C12orf42: variants seen among roughly 807,000 people sequenced by gnomAD.
C12orf42 encodes the protein uncharacterized protein C12orf42.
A neutral mutation model predicts 21.6 loss-of-function variants in C12orf42; 25 were observed. That is an observed-to-expected ratio of 1.16 (90% CI 0.84 to 1.62). C12orf42 has a LOEUF of 1.62. C12orf42 is among the 40% of genes most tolerant of loss of function. The pLI is 0.00. For missense variants in C12orf42, 483 were observed against 459.3 expected (o/e 1.05, Z -0.47); for synonymous variants, 174 against 175.0 (o/e 0.99, Z 0.05).
chr12:103,212,625 T>C, the C12orf42 span, among the ~76,000 whole-genome samples: 3 of 152,230 alleles, frequency 2.0e-5, no homozygotes, highest in African/African-American at 4.8e-5. Flanking sequence ...CTTTTTGTGA[T>C]GTTAGTAGCT....
chr12:103,238,257 T>C (rs185827023), intron 10 of C12orf42, among the ~76,000 whole-genome samples: 1 of 152,166 alleles, frequency 6.6e-6, no homozygotes, highest in African/African-American at 2.4e-5. Context: ...TGTGTGTGGC[T>C]GCTTTCACAC....
At chr12:103,554,324 A>G in the C12orf42 span, among the ~76,000 whole-genome samples, 1 of 152,186 alleles carries the variant, frequency 6.6e-6, no homozygotes, top group African/African-American at 2.4e-5. Flanking sequence ...GTGGGGAGAA[A>G]AGGGATTATA....
At chr12:103,089,963 G>A in the C12orf42 span, among the ~76,000 whole-genome samples, 1 of 152,198 alleles carries the variant, frequency 6.6e-6, no homozygotes, top group Non-Finnish European at 1.5e-5. Context: ...GAGCATGTGT[G>A]TGATATTATC....
At chr12:103,221,162 A>C in the C12orf42 span, among the ~76,000 whole-genome samples, 1 of 152,254 alleles carries the variant, frequency 6.6e-6, no homozygotes, top group African/African-American at 2.4e-5. Context: ...GATACCACAC[A>C]GAGAGGATTA....
intron 4 of C12orf42, among the ~76,000 whole-genome samples, chr12:103,283,740 G>A (rs1212992010): frequency 6.6e-6 from 1 of 152,142 alleles, no homozygotes; most frequent in Admixed American, 6.5e-5. Context: ...AGCTCCTTAA[G>A]GAGAAAGGCA....
chr12:103,060,043 C>T, the C12orf42 span, among the ~76,000 whole-genome samples: 1 of 152,162 alleles, frequency 6.6e-6, no homozygotes, highest in Non-Finnish European at 1.5e-5. Flanking sequence ...GCCACATTGT[C>T]TCTGTTTGCA....
intron 2 of C12orf42, among the ~76,000 whole-genome samples, chr12:103,448,343 G>A (rs567843090): frequency 2.4e-4 from 36 of 152,162 alleles, no homozygotes; most frequent in African/African-American, 8.0e-4. Flanking sequence ...AAAGATTCTA[G>A]AAGACAACAT....
the C12orf42 span, among the ~76,000 whole-genome samples, chr12:103,122,358 A>G: frequency 2.0e-5 from 3 of 152,196 alleles, no homozygotes. Context: ...CTGCATGGGC[A>G]ATTTAGGGTA....
chr12:103,129,938 C>T, the C12orf42 span, among the ~76,000 whole-genome samples: 2 of 152,090 alleles, frequency 1.3e-5, no homozygotes, highest in African/African-American at 4.8e-5. Context: ...TTCCTTTCAT[C>T]CCTAGAACCC....
chr12:103,285,580 A>C (rs944921840), intron 4 of C12orf42, among the ~76,000 whole-genome samples: 7 of 152,242 alleles, frequency 4.6e-5, no homozygotes, highest in Admixed American at 3.9e-4. Context: ...AATTACAAAA[A>C]GGAGAGTTAT....
rs1159916412 is a variant in C12orf42, at chr12:103,376,285, T to C, written c.148-7287A>G. 4.6e-5 allele frequency among the ~76,000 whole-genome samples: 7 copies of C among 152,134 alleles called. No individual in the cohort carries two copies. The East Asian group carries it at 1.3e-3, about 29-fold the overall frequency. Reference sequence around the variant, plus strand: ...TGGATGAAGCTGGAAGCCATCGTTCTCAGCAAACTAAAACAGGAAAAGAAA... The same window carrying C: ...TGGATGAAGCTGGAAGCCATCGTTCCCAGCAAACTAAAACAGGAAAAGAAA... On this transcript the variant is annotated intron_variant, in intron 3 of 5. Transcript: ENST00000548883.
At chr12:103,288,088 G>A (rs759663070) in intron 4 of C12orf42, among the ~76,000 whole-genome samples, 7 of 152,128 alleles carry the variant, frequency 4.6e-5, no homozygotes, top group South Asian at 2.1e-4. Flanking sequence ...GCAGTGAAAG[G>A]CCCAAGATAA....
chr12:103,094,165 C>T, the C12orf42 span, among the ~76,000 whole-genome samples: 2 of 152,188 alleles, frequency 1.3e-5, no homozygotes, highest in Non-Finnish European at 2.9e-5. Flanking sequence ...GACCATCTTA[C>T]TTATGCCATT....
At chr12:103,304,134 C>A (rs1160968835) in intron 5 of C12orf42, among the ~76,000 whole-genome samples, 1 of 152,210 alleles carries the variant, frequency 6.6e-6, no homozygotes, top group Non-Finnish European at 1.5e-5. Context: ...GTCAGGACTT[C>A]ACAGATTCAA....
At chr12:103,364,729 C>A (rs1019058528) in intron 4 of C12orf42, among the ~76,000 whole-genome samples, 8 of 151,866 alleles carry the variant, frequency 5.3e-5, no homozygotes, top group African/African-American at 1.9e-4. Context: ...AATAGAAAAC[C>A]TAAAGGAGAT....
chr12:103,457,226 C>T (rs1463909711), intron 2 of C12orf42, among the ~76,000 whole-genome samples: 1 of 152,036 alleles, frequency 6.6e-6, no homozygotes, highest in East Asian at 1.9e-4. Context: ...GGGAATAGTT[C>T]TGAAAGTTTG....
rs938821935 is a variant in C12orf42 at position 103,455,813 on chromosome 12, CA to C, written c.78+22535del. On this transcript the variant is annotated intron_variant, in intron 2 of 5. Coordinates refer to ENST00000548883, the MANE Select transcript of C12orf42 (RefSeq NM_198521.5). ...CTAAAACATTTGCTTGTTTTCTACT[CA>C]AAACAACCACTTATACAATATTCCT... 2.4e-4 allele frequency among the ~76,000 whole-genome samples: 37 copies of C among 152,174 alleles called. 1 individual carries two copies. Among genetic ancestry groups the C allele is most frequent in the African/African-American group, 8.7e-4 (36 of 41,490 alleles).
chr12:103,220,234 G>T, the C12orf42 span, among the ~76,000 whole-genome samples: 1 of 151,986 alleles, frequency 6.6e-6, no homozygotes, highest in Non-Finnish European at 1.5e-5. Context: ...CACAGGGAGG[G>T]GAACATCTCA....
chr12:103,463,389 GTAGAC>G (rs1423341273), intron 2 of C12orf42, among the ~76,000 whole-genome samples: 1 of 152,176 alleles, frequency 6.6e-6, no homozygotes, highest in Non-Finnish European at 1.5e-5. Context: ...GTAGAATAGA[GTAGAC>G]TAGAATAGGA....
Sources: gnomAD v4.1 joint callset for allele counts (sites outside exome capture counted in the v4.1 genomes callset) on GRCh38, gnomAD v4.1.1 for gene constraint, MANE v1.5 for transcripts, NCBI Gene and HGNC (gene_info 2026-07-23, HGNC 2026-07-21) for gene names.